BCAP31: variants seen among roughly 807,000 people sequenced by gnomAD.
BCAP31 encodes B-cell receptor-associated protein 31.
For missense variants in BCAP31, 124 were observed against 193.0 expected (o/e 0.64, Z 2.12); for synonymous variants, 75 against 80.9 (o/e 0.93, Z 0.39).
chrX:153,711,904 C>CAAAA (rs34508364), intron 4 of BCAP31, among the ~76,000 whole-genome samples: 1 of 67,992 alleles, frequency 1.5e-5, no homozygotes, highest in Admixed American at 1.9e-4. Flanking sequence ...GACTCTGTCT[C>CAAAA]AAAAAAAAAA....
At chrX:153,706,103 T>G (rs1435326735) in intron 4 of BCAP31, among the ~76,000 whole-genome samples, 1 of 111,167 alleles carries the variant, frequency 9.0e-6, no homozygotes, top group African/African-American at 3.3e-5. Context: ...AGCCCAGGCC[T>G]TCAGTTCCCA....
intron 4 of BCAP31, among the ~76,000 whole-genome samples, chrX:153,710,410 G>A (rs1166226810): frequency 8.9e-6 from 1 of 111,908 alleles, no homozygotes; most frequent in East Asian, 2.8e-4. Context: ...GACTTCTGGA[G>A]GTTGGCTACT....
At position 153,707,551 on chromosome X, in the gene BCAP31, G is replaced by A. The variant is rs181790682; in HGVS notation, c.342-3457C>T. Among the ~76,000 whole-genome samples, 242 of 111,732 alleles carry A rather than the reference G, an allele frequency of 2.2e-3. 4 individuals are homozygous for A. Among genetic ancestry groups the A allele is most frequent in the African/African-American group, 7.4e-3 (227 of 30,751 alleles). On this transcript the variant is annotated intron_variant, in intron 4 of 7. Transcript: ENST00000345046. ...TTCACCTGGGAGCCTGGCACCAAGA[G>A]GGGCAGAGGCAGACACAGAGCTGCT...
intron 4 of BCAP31, among the ~76,000 whole-genome samples, chrX:153,704,556 C>CA (rs782763074): frequency 8.9e-6 from 1 of 112,402 alleles, no homozygotes; most frequent in South Asian, 3.7e-4. Flanking sequence ...AAGTTACTAT[C>CA]ACTGCCCCAG....
At chrX:153,714,944 C>A (rs967953769) in intron 4 of BCAP31, among the ~76,000 whole-genome samples, 3 of 111,500 alleles carry the variant, frequency 2.7e-5, no homozygotes, top group Non-Finnish European at 5.7e-5. Flanking sequence ...GGGCCCCAGG[C>A]TCAAATAGGC....
chrX:153,716,061 G>A (rs1363106674), intron 3 of BCAP31, among the ~76,000 whole-genome samples: 2 of 108,944 alleles, frequency 1.8e-5, no homozygotes, highest in Non-Finnish European at 3.8e-5. Flanking sequence ...AGCTACTCGG[G>A]AGGCTGAGGC....
intron 4 of BCAP31, among the ~76,000 whole-genome samples, chrX:153,709,808 G>A (rs782316949): frequency 8.8e-6 from 1 of 113,232 alleles, no homozygotes; most frequent in Admixed American, 9.2e-5. Flanking sequence ...ATGTTTCAGC[G>A]CCCTTCATAT....
intron 4 of BCAP31, chrX:153,705,138 G>A (rs1275671347): frequency 8.8e-6 from 1 of 113,152 alleles, no homozygotes; most frequent in Non-Finnish European, 1.9e-5. Flanking sequence ...TTAGTCCAGA[G>A]TGCTTCAACA....
intron 4 of BCAP31, among the ~76,000 whole-genome samples, chrX:153,711,423 T>TA (rs2091590406): frequency 8.9e-6 from 1 of 112,328 alleles, no homozygotes; most frequent in African/African-American, 3.2e-5. Flanking sequence ...TCCACACAGG[T>TA]GACTGCATGC....
intron 4 of BCAP31, among the ~76,000 whole-genome samples, chrX:153,706,726 C>A (rs1450930453): frequency 8.9e-6 from 1 of 112,605 alleles, no homozygotes; most frequent in Non-Finnish European, 1.9e-5. Flanking sequence ...CCTTGTCCTG[C>A]CTGACCTGAC....
chrX:153,722,614 G>A (rs957739200), intron 2 of BCAP31, among the ~76,000 whole-genome samples: 2 of 112,155 alleles, frequency 1.8e-5, no homozygotes, highest in Admixed American at 9.5e-5. Flanking sequence ...AATTTAAATA[G>A]GGATGTGTTC....
chrX:153,709,970 G>A (rs1243472872), intron 4 of BCAP31, among the ~76,000 whole-genome samples: 4 of 112,655 alleles, frequency 3.6e-5, no homozygotes, highest in African/African-American at 1.3e-4. Context: ...CCGGGAACAT[G>A]GTGTGGGCCC....
Position 153,713,585 on chromosome X carries a change from C to T in BCAP31, c.341+1957G>A, listed in dbSNP as rs191390442. On this transcript the variant is annotated intron_variant, in intron 4 of 7. Coordinates refer to ENST00000345046, the MANE Select transcript of BCAP31 (RefSeq NM_001256447.2). The stretch of plus-strand genomic sequence containing the variant: ...TTTGGAAATTGGGATGTTTGCCAGG[C>T]TGCAGTCTGCCAGTATCTCTCCCAC... Among the ~76,000 whole-genome samples, 8 of 112,161 alleles carry T rather than the reference C, an allele frequency of 7.1e-5. No individual in the cohort carries two copies. In the East Asian group the frequency reaches 2.3e-3, roughly 32 times the overall value.
At chrX:153,717,870 C>T (rs1441847365) in intron 3 of BCAP31, among the ~76,000 whole-genome samples, 2 of 112,719 alleles carry the variant, frequency 1.8e-5, no homozygotes, top group East Asian at 5.5e-4. Flanking sequence ...GCAAAATGTT[C>T]ATACCCTCGG....
In BCAP31 at chrX:153,703,016, C is replaced by T. The variant is rs2091529074; in HGVS notation, c.520G>A (p.Glu174Lys). ...DGGKLDVGNA[E>K]VKLEEENRSL... ...CTGTTCTCTTCCTCCAACTTCACCT[C>T]AGCATTCCCGACATCCAACTTGCCT... Residue 174 changes from glutamate to lysine, a missense_variant, in exon 6 of 8, where the codon GAG (glutamate) becomes AAG (lysine). Coordinates refer to ENST00000345046, the MANE Select transcript of BCAP31 (RefSeq NM_001256447.2). 8.3e-7 allele frequency: 1 copy of T among 1,208,838 alleles called. No homozygotes were observed. The highest frequency in any genetic ancestry group is 1.7e-5 in the African/African-American group (1 of 57,262).
At chrX:153,715,380 A>T in intron 4 of BCAP31, 162 bp downstream of exon 4, 1 of 813,724 alleles carries the variant, frequency 1.2e-6, no homozygotes, top group Non-Finnish European at 1.7e-6. Flanking sequence ...AGGTCAGGAG[A>T]AAACTATGTG....
chrX:153,707,949 T>C (rs2091565447), intron 4 of BCAP31, among the ~76,000 whole-genome samples: 1 of 113,109 alleles, frequency 8.8e-6, no homozygotes, highest in Admixed American at 9.3e-5. Context: ...CTGCTGGATC[T>C]CCCAAGTAGT....
intron 1 of BCAP31, chrX:153,723,607 G>A: frequency 8.6e-7 from 1 of 1,167,912 alleles, no homozygotes; most frequent in Non-Finnish European, 1.1e-6. Flanking sequence ...TTAACTGAAA[G>A]GCGTTCTTCG....
chrX:153,707,547 A>G (rs2091563174), intron 4 of BCAP31, among the ~76,000 whole-genome samples: 1 of 111,612 alleles, frequency 9.0e-6, no homozygotes, highest in African/African-American at 3.3e-5. Flanking sequence ...GCCTGGCACC[A>G]AGAGGGGCAG....
Sources: gnomAD v4.1 joint callset for allele counts (sites outside exome capture counted in the v4.1 genomes callset) on GRCh38, gnomAD v4.1.1 for gene constraint, MANE v1.5 for transcripts, NCBI Gene and HGNC (gene_info 2026-07-23, HGNC 2026-07-21) for gene names.